The following ADSS2 variants were observed in gnomAD, a reference collection of about 807,000 sequenced individuals.
ADSS2 encodes adenylosuccinate synthase 2, also known as adenylosuccinate synthetase isozyme 2.
ADSS2 carries 30 observed loss-of-function variants against 60.0 expected under a neutral mutation model. That is an observed-to-expected ratio of 0.50 (90% CI 0.37 to 0.68). The LOEUF (loss-of-function observed/expected upper bound fraction) is 0.68, where lower values mean the gene tolerates loss of function less well. Ranked by LOEUF, ADSS2 falls within the 30% of genes least tolerant of loss-of-function variation. The pLI, the probability that ADSS2 is intolerant of heterozygous loss-of-function variation, is 0.00. For synonymous variants in ADSS2, 187 were observed against 193.1 expected, an observed-to-expected ratio of 0.97 and a Z score of 0.26; for missense variants, 373 against 554.8, an observed-to-expected ratio of 0.67 and a Z score of 3.29.
At chr1:244,425,285 C>T (rs927210216) in intron 4 of ADSS2, among the ~76,000 whole-genome samples, 3 of 152,168 alleles carry the variant, frequency 2.0e-5, no homozygotes, top group African/African-American at 7.2e-5. Flanking sequence ...TGTTTTTAAA[C>T]AGCTTTATGG....
intron 3 of ADSS2, among the ~76,000 whole-genome samples, chr1:244,434,179 C>CAAA (rs1220140337): frequency 5.0e-5 from 3 of 59,976 alleles, no homozygotes; most frequent in African/African-American, 1.3e-4. Context: ...CCCATCTCTA[C>CAAA]AAAAAAAAAA....
chr1:244,420,978 TTTGGCCAACCATG>T, intron 7 of ADSS2, among the ~76,000 whole-genome samples: 1 of 152,326 alleles, frequency 6.6e-6, no homozygotes, highest in Non-Finnish European at 1.5e-5. Flanking sequence ...AGCCACTGTG[TTTGGCCAACCATG>T]AATTTTGAAA....
chr1:244,451,579 G>C lies in ADSS2; in HGVS notation c.183+56C>G. ...GGGTCCGAGTTCCCGGGCACCAGGAGCCAGGCAGCCCGAGCTCCCGGGCCC... is the reference window on the plus strand; with the variant it reads ...GGGTCCGAGTTCCCGGGCACCAGGACCCAGGCAGCCCGAGCTCCCGGGCCC... On this transcript the variant is annotated intron_variant, in intron 1 of 12. Transcript: ENST00000366535. This position sits in a 1 kb window ranked among gnomAD's most constrained non-coding sequence, Gnocchi z 6.6. 6.5e-7 allele frequency: 1 copy of C among 1,532,946 alleles called. No homozygotes were observed. The highest frequency in any genetic ancestry group is 2.0e-5 in the Admixed American group (1 of 49,550). The allele number at this position is 1,532,946 out of a possible 1,614,324, so 95.0% of individuals were successfully genotyped here.
At chr1:244,440,011 T>C (rs1160702973) in intron 1 of ADSS2, among the ~76,000 whole-genome samples, 1 of 152,200 alleles carries the variant, frequency 6.6e-6, no homozygotes, top group Admixed American at 6.5e-5. Context: ...CAGCGCCCCA[T>C]GGCTGCTGGG....
intron 8 of ADSS2, chr1:244,419,128 CAG>C: frequency 2.3e-6 from 1 of 439,612 alleles, no homozygotes; most frequent in Non-Finnish European, 4.0e-6. Flanking sequence ...AGTGCTTATA[CAG>C]AGAGGCTCCT....
Position 244,451,796 on chromosome 1 carries a change from G to C in ADSS2, c.22C>G (p.Pro8Ala). ...CCGTTGGGCAGGGAGGATGCCGCCG[G>C]GTAGGTCTCGGCGAACGCCATGGCT... is the stretch of plus-strand genomic sequence containing the variant. MAFAETY[P>A]AASSLPNGDC... The change falls in exon 1 of 13, where the codon CCG (proline) becomes GCG (alanine). Residue 8 changes from proline (P) to alanine (A), a missense_variant. Pro to Ala is a conservative substitution (Grantham distance 27, BLOSUM62 -1). Coordinates refer to ENST00000366535, the MANE Select transcript of ADSS2 (RefSeq NM_001126.5). The surrounding 1 kb of genome is among the most constrained non-coding windows in gnomAD (Gnocchi z 6.6). 1 of 1,592,044 alleles carries C rather than the reference G, an allele frequency of 6.3e-7. No homozygotes were observed. The highest frequency in any genetic ancestry group is 1.1e-5 in the South Asian group (1 of 88,284).
At chr1:244,425,081 A>G (rs965263336) in intron 4 of ADSS2, among the ~76,000 whole-genome samples, 3 of 152,164 alleles carry the variant, frequency 2.0e-5, no homozygotes, top group African/African-American at 4.8e-5. Context: ...ACACCTACAC[A>G]TAACTTGTAC....
At chr1:244,439,153 T>C (rs1225773996) in intron 1 of ADSS2, among the ~76,000 whole-genome samples, 2 of 152,216 alleles carry the variant, frequency 1.3e-5, no homozygotes, top group Non-Finnish European at 2.9e-5. Flanking sequence ...GTGAAGTTTG[T>C]CTTTCTGTGC....
intron 4 of ADSS2, among the ~76,000 whole-genome samples, chr1:244,429,672 G>T (rs1270875171): frequency 1.3e-5 from 2 of 152,132 alleles, no homozygotes; most frequent in Admixed American, 1.3e-4. Flanking sequence ...TTGAGGTCAG[G>T]AGTTCAAGAC....
intron 1 of ADSS2, among the ~76,000 whole-genome samples, chr1:244,447,319 G>A (rs1028079785): frequency 1.3e-5 from 2 of 152,110 alleles, no homozygotes; most frequent in African/African-American, 4.8e-5. Context: ...ATTTGCTCTA[G>A]GCAACAGTTT....
intron 3 of ADSS2, among the ~76,000 whole-genome samples, chr1:244,435,501 G>A (rs915964050): frequency 2.0e-5 from 3 of 150,736 alleles, no homozygotes; most frequent in East Asian, 4.1e-4. Context: ...TGCATGAAAC[G>A]AAGTTTGTTT....
In ADSS2 at chr1:244,422,911, T is replaced by C; in HGVS notation, c.587A>G (p.Lys196Arg). The C allele has an allele frequency of 6.4e-7, 1 of 1,569,384 alleles. No individual in the cohort carries two copies. Among genetic ancestry groups the C allele is most frequent in the Non-Finnish European group, 8.8e-7 (1 of 1,141,890 alleles). The change falls in exon 7 of 13, where the codon AAA becomes AGA. Residue 196 changes from lysine to arginine, a missense_variant. Around this residue, in one of 5 missense-constraint regions of ADSS2, gnomAD observed 139 missense variants for 189.4 expected, o/e 0.73. Coordinates refer to ENST00000366535, the MANE Select transcript of ADSS2 (RefSeq NM_001126.5). ...AGATTTGTATTGGTTAGCTAGAACT[T>C]TAAACCTGAGAAACACAGATAAATC... ...SDFDGFSERF[K>R]VLANQYKSIY... is the part of the protein sequence containing the mutation.
chr1:244,443,665 A>G (rs1343640954), intron 1 of ADSS2, among the ~76,000 whole-genome samples: 2 of 152,226 alleles, frequency 1.3e-5, no homozygotes, highest in Non-Finnish European at 2.9e-5. Flanking sequence ...TACAGATTTC[A>G]GACATCATCC....
intron 1 of ADSS2, among the ~76,000 whole-genome samples, chr1:244,448,283 A>C (rs909758017): frequency 6.6e-5 from 10 of 152,048 alleles, no homozygotes; most frequent in African/African-American, 1.4e-4. Context: ...TTTGCTGCTG[A>C]TATGTCTTTT....
chr1:244,409,535 A>G lies in ADSS2; in HGVS notation c.*51T>C, dbSNP rs536580352. ...CAGGTCATAAATGAAATATTTAAGA[A>G]AGTCTTTTCCCCTCCCTCTCAAGGA... On this transcript the variant is annotated 3_prime_UTR_variant, in exon 13 of 13. Coordinates refer to ENST00000366535, the MANE Select transcript of ADSS2 (RefSeq NM_001126.5). 65 of 1,391,934 alleles carry G rather than the reference A, an allele frequency of 4.7e-5. 1 individual carries two copies. In the South Asian group the frequency reaches 7.7e-4, roughly 16 times the overall value. 86.2% of individuals were successfully genotyped at this position (1,391,934 alleles called of 1,614,324 possible). A position where few individuals can be genotyped will look rare whatever the true frequency, so the allele number is the denominator to read the frequency against.
intron 1 of ADSS2, among the ~76,000 whole-genome samples, chr1:244,447,662 A>C (rs1457563750): frequency 6.6e-6 from 1 of 152,218 alleles, no homozygotes; most frequent in African/African-American, 2.4e-5. Context: ...ATTTTAATAT[A>C]AACAAAGACT....
intron 4 of ADSS2, among the ~76,000 whole-genome samples, chr1:244,428,393 A>G (rs12408001): frequency 0.071 from 10,885 of 152,256 alleles, 584 homozygotes; most frequent in Admixed American, 0.15. Flanking sequence ...CTGAATGGAA[A>G]TGATTGTAAA....
chr1:244,441,783 C>T (rs1034982430), intron 1 of ADSS2, among the ~76,000 whole-genome samples: 2 of 151,988 alleles, frequency 1.3e-5, no homozygotes, highest in Admixed American at 6.6e-5. Context: ...AATGAAACCC[C>T]GTCTCTACTA....
At chr1:244,432,666 T>C (rs1664977358) in intron 3 of ADSS2, 71 bp from the exon 4 acceptor site, 5 of 962,970 alleles carry the variant, frequency 5.2e-6, no homozygotes, top group Non-Finnish European at 6.0e-6. Flanking sequence ...ATTTCTTTTT[T>C]TTTTTTTTTT....
Sources: gnomAD v4.1 joint callset for allele counts (sites outside exome capture counted in the v4.1 genomes callset) on GRCh38, gnomAD v4.1.1 for gene constraint, gnomAD v4.1.1 regional missense constraint, Gnocchi (gnomAD v3.1) non-coding constraint, MANE v1.5 for transcripts, NCBI Gene and HGNC (gene_info 2026-07-23, HGNC 2026-07-21) for gene names.